Variants in PWWP2A observed in about 807,000 individuals in gnomAD.
PWWP2A encodes the protein PWWP domain containing 2A.
A neutral mutation model predicts 48.5 loss-of-function variants in PWWP2A; 18 were observed. The ratio of observed to expected loss-of-function variants is 0.37; its 90% CI spans 0.26 to 0.55. The LOEUF is 0.55. Among genes scored for constraint, PWWP2A ranks in the 20% least tolerant of loss-of-function variants. The pLI is 0.81. For synonymous variants in PWWP2A, 396 were observed against 387.7 expected, an observed-to-expected ratio of 1.02 and a Z score of -0.25; for missense variants, 867 against 976.4, an observed-to-expected ratio of 0.89 and a Z score of 1.49.
At chr5:160,106,869 G>C (rs1024332796) in intron 1 of PWWP2A, among the ~76,000 whole-genome samples, 1 of 136,024 alleles carries the variant, frequency 7.4e-6, no homozygotes, top group Non-Finnish European at 1.5e-5. Flanking sequence ...CTTTCACCCA[G>C]GCTGGAGTGC....
At chr5:160,117,992 C>G (rs920920879) in intron 1 of PWWP2A, 19 of 485,426 alleles carry the variant, frequency 3.9e-5, no homozygotes, top group Non-Finnish European at 4.8e-5. Context: ...CTGTTGAAAG[C>G]AGAGCCCAAA....
intron 4 of PWWP2A, chr5:160,065,482 TA>T (rs1753579916): frequency 4.5e-6 from 2 of 447,538 alleles, no homozygotes; most frequent in African/African-American, 4.0e-5. Flanking sequence ...ATCACACAGC[TA>T]ACGAGGCTGC....
At chr5:160,051,030 C>T in the PWWP2A span, 2 of 894,348 alleles carry the variant, frequency 2.2e-6, no homozygotes, top group South Asian at 1.8e-5. Context: ...GATCTTATTT[C>T]CACATTAGGA....
the PWWP2A span, among the ~76,000 whole-genome samples, chr5:160,049,266 G>A: frequency 2.0e-5 from 3 of 152,244 alleles, no homozygotes; most frequent in African/African-American, 7.2e-5. Flanking sequence ...CATATTATCT[G>A]TGCCTGCTCT....
In PWWP2A at chr5:160,066,295, C is replaced by CTTTTTT. The variant is rs748083955; in HGVS notation, c.*236+252_*236+253insAAAAAA. Reference sequence around the variant, plus strand: ...CAGCATTATGCTAGAAAGTGGTTCTCATTTTTTTTTTTTTTTTTTTGAGGG... The same window carrying CTTTTTT: ...CAGCATTATGCTAGAAAGTGGTTCTCTTTTTTATTTTTTTTTTTTTTTTTTTGAGGG... On this transcript the variant is annotated intron_variant and NMD_transcript_variant, in intron 4 of 5. Transcript: ENST00000524050. Among the ~76,000 whole-genome samples, 68 of 57,950 alleles carry CTTTTTT rather than the reference C, an allele frequency of 1.2e-3. 4 individuals carry two copies. Among genetic ancestry groups the CTTTTTT allele is most frequent in the African/African-American group, 3.1e-3 (55 of 17,870 alleles). The allele number at this position is 57,950 out of a possible 152,430, so 38.0% of individuals were successfully genotyped here.
chr5:160,116,304 G>C (rs1758132187), intron 1 of PWWP2A, among the ~76,000 whole-genome samples: 1 of 152,052 alleles, frequency 6.6e-6, no homozygotes, highest in African/African-American at 2.4e-5. Flanking sequence ...TGATCTGCCT[G>C]CCTTGGCCTC....
In PWWP2A at chr5:160,110,731, A is replaced by T. The variant is rs150770853; in HGVS notation, c.584+8074T>A. On this transcript the variant is annotated intron_variant, in intron 1 of 1. Coordinates refer to ENST00000307063, the MANE Select transcript of PWWP2A (RefSeq NM_001130864.2). ...CAAAATGAAATAAAATAAAATAAAA[A>T]AATAAAGTTCAACAAAAAGGCTGGG... Among the ~76,000 whole-genome samples the T allele has an allele frequency of 1.9e-3, 294 of 151,348 alleles. 2 individuals carry two copies. Among genetic ancestry groups the T allele is most frequent in the African/African-American group, 6.9e-3 (285 of 41,246 alleles).
chr5:160,053,087 G>T, the PWWP2A span, among the ~76,000 whole-genome samples: 1 of 152,090 alleles, frequency 6.6e-6, no homozygotes, highest in Non-Finnish European at 1.5e-5. Context: ...GCCCCCACAA[G>T]AGCTTTTCTG....
chr5:160,088,769 A>G (rs543945717), downstream of PWWP2A, among the ~76,000 whole-genome samples: 41 of 152,326 alleles, frequency 2.7e-4, no homozygotes, highest in African/African-American at 8.7e-4. Flanking sequence ...AAGTGAAAGC[A>G]TGCAGCACAA....
chr5:160,083,747 C>A (rs2113482741), intron 2 of PWWP2A, among the ~76,000 whole-genome samples: 1 of 152,326 alleles, frequency 6.6e-6, no homozygotes, highest in South Asian at 2.1e-4. Context: ...GCTCATCATT[C>A]ATTCACAAGA....
At chr5:160,091,089 G>A (rs1347913393), downstream of PWWP2A, 3 of 984,612 alleles carry the variant, frequency 3.0e-6, no homozygotes, top group African/African-American at 3.5e-5. Flanking sequence ...ACATTTATGA[G>A]AAATTGGCAG....
At chr5:160,048,126 CTTTTTTTTTTTTTTTTTT>C in the PWWP2A span, among the ~76,000 whole-genome samples, 176 of 35,572 alleles carry the variant, frequency 4.9e-3, no homozygotes, top group Middle Eastern at 0.023. Context: ...CAAGACATTG[CTTTTTTTTTTTTTTTTTT>C]TTTTTTTTTT....
rs575474475 is a variant in PWWP2A, at chr5:160,084,810, T to A, written c.1550-4040A>T. Among the ~76,000 whole-genome samples, 3 of 152,236 alleles carry A rather than the reference T, an allele frequency of 2.0e-5. No homozygotes were observed. The South Asian group carries it at 6.2e-4, about 32-fold the overall frequency. ...ATATACTCCTAAGTATCCATTTCTT[T>A]CTTTTACACTCAACTCGATGACACT... On this transcript the variant is annotated intron_variant, in intron 2 of 3. Transcript: ENST00000456329.
chr5:160,056,249 C>G, the PWWP2A span, among the ~76,000 whole-genome samples: 1 of 152,238 alleles, frequency 6.6e-6, no homozygotes, highest in Non-Finnish European at 1.5e-5. Context: ...CCTGGCCACT[C>G]TGGCACACAT....
intron 1 of PWWP2A, among the ~76,000 whole-genome samples, chr5:160,109,783 A>ATATATATATATATATAAAATAATATAAT (rs1757320911): frequency 1.2e-5 from 1 of 86,534 alleles, no homozygotes; most frequent in Non-Finnish European, 2.6e-5. Flanking sequence ...AAATATATAT[A>ATATATATATATATATAAAATAATATAAT]TATATATATA....
chr5:160,112,030 T>C (rs1464805240), intron 1 of PWWP2A, among the ~76,000 whole-genome samples: 2 of 145,246 alleles, frequency 1.4e-5, no homozygotes, highest in Non-Finnish European at 3.0e-5. Context: ...GGGAGGCTGA[T>C]GTGGGAGGAT....
Position 160,094,038 on chromosome 5 carries a change from T to A in PWWP2A, c.612A>T (p.Thr204=). The change falls in exon 2 of 2, where the codon ACA becomes ACT. Residue 204 remains threonine, a synonymous_variant. Transcript: ENST00000307063. ...CCTTATATTCCCTTTTGGGAAATAC[T>A]GTCACAGGGATACCATGGGGCCCAA... The part of the protein sequence containing the change: ...KRFGPHGIPV[T]VFPKREYKDK... 6.2e-7 allele frequency: 1 copy of A among 1,611,996 alleles called. No individual in the cohort carries two copies. The highest frequency in any genetic ancestry group is 8.5e-7 in the Non-Finnish European group (1 of 1,178,274).
intron 3 of PWWP2A, among the ~76,000 whole-genome samples, chr5:160,079,971 A>G (rs1226458963): frequency 6.6e-6 from 1 of 152,228 alleles, no homozygotes; most frequent in East Asian, 1.9e-4. Flanking sequence ...AGGAAGCAAT[A>G]AAAGTAGTAA....
intron 1 of PWWP2A, among the ~76,000 whole-genome samples, chr5:160,115,520 CCGTCT>C (rs1043139281): frequency 1.3e-5 from 2 of 151,928 alleles, no homozygotes; most frequent in African/African-American, 2.4e-5. Flanking sequence ...GGTGAAACCC[CCGTCT>C]CTACTAAAAA....
Sources: gnomAD v4.1 joint callset for allele counts (sites outside exome capture counted in the v4.1 genomes callset) on GRCh38, gnomAD v4.1.1 for gene constraint, MANE v1.5 for transcripts, NCBI Gene and HGNC (gene_info 2026-07-23, HGNC 2026-07-21) for gene names.